SPOCK3: variants seen among roughly 807,000 people sequenced by gnomAD.
SPOCK3 encodes the protein SPARC (osteonectin), cwcv and kazal like domains proteoglycan 3.
SPOCK3 carries 30 observed loss-of-function variants against 56.6 expected under a neutral mutation model. That is an observed-to-expected ratio of 0.53 (90% CI 0.40 to 0.72). The LOEUF (loss-of-function observed/expected upper bound fraction) is 0.72. SPOCK3 is among the 30% of genes least tolerant of loss of function. SPOCK3 has a pLI of 0.00. For synonymous variants in SPOCK3, 196 were observed against 183.3 expected (o/e 1.07, Z -0.56); for missense variants, 527 against 530.0 (o/e 0.99, Z 0.06).
At chr4:166,936,894 T>A (rs977606990) in intron 4 of SPOCK3, among the ~76,000 whole-genome samples, 3 of 152,158 alleles carry the variant, frequency 2.0e-5, no homozygotes, top group African/African-American at 7.2e-5. Context: ...AATGTCTTCA[T>A]ATTTTCATGT....
At chr4:167,200,130 T>A (rs939606028) in intron 2 of SPOCK3, among the ~76,000 whole-genome samples, 3 of 152,016 alleles carry the variant, frequency 2.0e-5, no homozygotes, top group Admixed American at 2.0e-4. Context: ...AAAAATACAA[T>A]CAGGTATTTT....
chr4:166,845,548 G>T (rs565247539), intron 6 of SPOCK3, among the ~76,000 whole-genome samples: 1 of 152,218 alleles, frequency 6.6e-6, no homozygotes, highest in South Asian at 2.1e-4. Context: ...TTTTGAAGTA[G>T]TTTCTATTTT....
At chr4:166,754,850 A>G in intron 7 of SPOCK3, 121 bp from the exon 8 acceptor site, 1 of 805,072 alleles carries the variant, frequency 1.2e-6, no homozygotes, top group Non-Finnish European at 2.0e-6. Flanking sequence ...AGAGAAGTAG[A>G]GCATTAAATT....
chr4:166,997,983 C>G (rs2873821), intron 4 of SPOCK3, among the ~76,000 whole-genome samples: 22,029 of 152,086 alleles, frequency 0.14, 1,637 homozygotes, highest in South Asian at 0.18. Context: ...CCCCAAAATA[C>G]ACACAATCCT....
intron 3 of SPOCK3, among the ~76,000 whole-genome samples, chr4:167,002,210 T>C (rs2150130345): frequency 6.6e-6 from 1 of 152,196 alleles, no homozygotes; most frequent in South Asian, 2.1e-4. Context: ...CCACCCACCT[T>C]AGCCTCCCAA....
In SPOCK3 at chr4:166,742,072, T is replaced by TA. The variant is rs765230907; in HGVS notation, c.932-14dup. 5.6e-6 allele frequency: 9 copies of TA among 1,595,916 alleles called. No individual in the cohort carries two copies. In the South Asian group the frequency reaches 1.0e-4, roughly 18 times the overall value. ...TGGCAAGGTGGGTCTGCAATGACATTAAAAATGTTACTTCAAGGATTCTAG... is the reference window on the plus strand; with the variant it reads ...TGGCAAGGTGGGTCTGCAATGACATTAAAAAATGTTACTTCAAGGATTCTAG... On this transcript the variant is annotated splice_polypyrimidine_tract_variant and intron_variant, in intron 8 of 10. Transcript: ENST00000357545.
At chr4:167,100,489 A>T (rs186543947) in intron 2 of SPOCK3, among the ~76,000 whole-genome samples, 2,392 of 144,048 alleles carry the variant, frequency 0.017, 23 homozygotes, top group Non-Finnish European at 0.019. Flanking sequence ...TCTCTCTCTC[A>T]CACACACACA....
chr4:166,783,429 G>A (rs1740398103), intron 7 of SPOCK3, among the ~76,000 whole-genome samples: 1 of 152,026 alleles, frequency 6.6e-6, no homozygotes, highest in African/African-American at 2.4e-5. Context: ...ATGAAAAAAG[G>A]GAATGAATGG....
chr4:166,804,378 C>T (rs1742934383), intron 6 of SPOCK3, among the ~76,000 whole-genome samples: 1 of 152,068 alleles, frequency 6.6e-6, no homozygotes, highest in Non-Finnish European at 1.5e-5. Context: ...CATGTGACCT[C>T]ATATTACCTT....
At chr4:166,887,025 C>T (rs1475791240) in intron 6 of SPOCK3, among the ~76,000 whole-genome samples, 2 of 152,112 alleles carry the variant, frequency 1.3e-5, no homozygotes, top group East Asian at 3.9e-4. Context: ...CACAATTGAA[C>T]ACAAATGATC....
intron 2 of SPOCK3, among the ~76,000 whole-genome samples, chr4:167,109,043 TA>T (rs1760504870): frequency 8.2e-4 from 1 of 1,216 alleles, no homozygotes; most frequent in Non-Finnish European, 1.5e-3. Context: ...AATATATACT[TA>T]TATAAAAATA....
chr4:166,949,858 T>C (rs1561044900), intron 4 of SPOCK3, among the ~76,000 whole-genome samples: 1 of 151,750 alleles, frequency 6.6e-6, no homozygotes, highest in East Asian at 1.9e-4. Context: ...GAAGGAGAAA[T>C]AAAATACTTT....
At chr4:166,879,254 C>G (rs1285626805) in intron 6 of SPOCK3, among the ~76,000 whole-genome samples, 1 of 152,110 alleles carries the variant, frequency 6.6e-6, no homozygotes, top group Non-Finnish European at 1.5e-5. Context: ...CAGGCATGAT[C>G]ATGATGGCTC....
chr4:166,824,800 G>A (rs181433450), intron 6 of SPOCK3, among the ~76,000 whole-genome samples: 172 of 152,164 alleles, frequency 1.1e-3, no homozygotes, highest in Non-Finnish European at 2.3e-3. Flanking sequence ...TACATACTAT[G>A]AGAGATCATC....
At chr4:167,226,929 A>T (rs1736658764) in intron 2 of SPOCK3, among the ~76,000 whole-genome samples, 1 of 152,090 alleles carries the variant, frequency 6.6e-6, no homozygotes, top group East Asian at 1.9e-4. Context: ...CCTCTCTCTA[A>T]CCAACGCATT....
Position 166,734,851 on chromosome 4 carries a change from T to A in SPOCK3, c.*70A>T, listed in dbSNP as rs971398078. ...ATCATTTTGTTATTGGGGAAGAAGA[T>A]AATTTTAAATAGGCTATCATTTTTG... is the stretch of plus-strand genomic sequence containing the variant. On this transcript the variant is annotated 3_prime_UTR_variant, in exon 11 of 11. Transcript: ENST00000357545. 5.6e-5 allele frequency: 68 copies of A among 1,217,824 alleles called. 1 individual carries two copies. The highest frequency in any genetic ancestry group is 7.5e-5 in the Non-Finnish European group (67 of 891,288). 75.4% of individuals were successfully genotyped at this position (1,217,824 alleles called of 1,614,324 possible).
intron 3 of SPOCK3, among the ~76,000 whole-genome samples, chr4:167,040,591 C>G (rs1463233360): frequency 1.3e-5 from 2 of 152,130 alleles, no homozygotes; most frequent in African/African-American, 2.4e-5. Context: ...AAATACGTTG[C>G]TAACAAAGAT....
intron 7 of SPOCK3, among the ~76,000 whole-genome samples, chr4:166,768,820 A>T (rs1265715702): frequency 6.6e-6 from 1 of 152,196 alleles, no homozygotes; most frequent in Non-Finnish European, 1.5e-5. Context: ...ACTTTCAGGT[A>T]CACCAGTCAG....
In SPOCK3 at chr4:166,765,669, G is replaced by A. The variant is rs190144388; in HGVS notation, c.710-10940C>T. Among the ~76,000 whole-genome samples the A allele has an allele frequency of 6.3e-4, 96 of 152,274 alleles. 1 individual carries two copies. Among genetic ancestry groups the A allele is most frequent in the Admixed American group, 2.0e-3 (30 of 15,296 alleles). Reference sequence around the variant, plus strand: ...GGCTTAGGATTGTTTTGGCAATGTGGGCTCTTTTTTGGTTCCGTATGAACT... The same window carrying A: ...GGCTTAGGATTGTTTTGGCAATGTGAGCTCTTTTTTGGTTCCGTATGAACT... On this transcript the variant is annotated intron_variant, in intron 7 of 10. Coordinates refer to ENST00000357545, the MANE Select transcript of SPOCK3 (RefSeq NM_001040159.2).
Sources: gnomAD v4.1 joint callset for allele counts (sites outside exome capture counted in the v4.1 genomes callset) on GRCh38, gnomAD v4.1.1 for gene constraint, MANE v1.5 for transcripts, NCBI Gene and HGNC (gene_info 2026-07-23, HGNC 2026-07-21) for gene names.